The following SPOCK3 variants were observed in gnomAD, a reference collection of about 807,000 sequenced individuals.
The protein encoded by SPOCK3 is testican-3.
A neutral mutation model predicts 56.6 loss-of-function variants in SPOCK3; 30 were observed. That is an observed-to-expected ratio of 0.53 (90% CI 0.40 to 0.72). The LOEUF (loss-of-function observed/expected upper bound fraction) is 0.72, where lower values mean the gene tolerates loss of function less well. Among genes scored for constraint, SPOCK3 ranks in the 30% least tolerant of loss-of-function variants. SPOCK3 has a pLI of 0.00. For missense variants in SPOCK3, 527 were observed against 530.0 expected, an observed-to-expected ratio of 0.99 and a Z score of 0.06; for synonymous variants, 196 against 183.3, an observed-to-expected ratio of 1.07 and a Z score of -0.56.
In SPOCK3 at chr4:167,062,543, G is replaced by A. The variant is rs757933603; in HGVS notation, c.190-6C>T. The A allele has an allele frequency of 3.7e-6, 6 of 1,601,586 alleles. No individual in the cohort carries two copies. Among genetic ancestry groups the A allele is most frequent in the Non-Finnish European group, 2.6e-6 (3 of 1,170,888 alleles). On this transcript the variant is annotated splice_region_variant and splice_polypyrimidine_tract_variant and intron_variant, in intron 2 of 10. Transcript: ENST00000357545. ...CAAGTGCGGAAATAATCATCCTAAG[G>A]GGGAAAATAATGTGAATTGAGTGTA...
intron 4 of SPOCK3, among the ~76,000 whole-genome samples, chr4:166,946,545 T>C (rs770523021): frequency 6.6e-6 from 1 of 152,174 alleles, no homozygotes; most frequent in Non-Finnish European, 1.5e-5. Context: ...GCCAATCGAT[T>C]AGCTTCTTCA....
chr4:167,038,073 A>G (rs754249585), intron 3 of SPOCK3, among the ~76,000 whole-genome samples: 1 of 152,192 alleles, frequency 6.6e-6, no homozygotes, highest in Non-Finnish European at 1.5e-5. Context: ...TCAACGGCAC[A>G]TGCTATGAGA....
chr4:167,056,957 G>C (rs1474272869), intron 3 of SPOCK3, among the ~76,000 whole-genome samples: 1 of 152,124 alleles, frequency 6.6e-6, no homozygotes, highest in African/African-American at 2.4e-5. Flanking sequence ...TACTCCTCGA[G>C]AAGAGCAACT....
chr4:166,890,308 A>G (rs1734638283), intron 5 of SPOCK3, among the ~76,000 whole-genome samples: 1 of 151,844 alleles, frequency 6.6e-6, no homozygotes, highest in Non-Finnish European at 1.5e-5. Context: ...CCTAAAAGTA[A>G]CATTTAGGGC....
chr4:167,044,440 C>CTAAT (rs57013528), intron 3 of SPOCK3, among the ~76,000 whole-genome samples: 151,708 of 151,822 alleles, frequency 1, 75,797 homozygotes, highest in Middle Eastern at 1. Flanking sequence ...GATTTTTACT[C>CTAAT]TATTATTTTT....
intron 4 of SPOCK3, among the ~76,000 whole-genome samples, chr4:166,974,619 C>G (rs975242515): frequency 6.6e-6 from 1 of 152,060 alleles, no homozygotes; most frequent in Non-Finnish European, 1.5e-5. Context: ...TCTCTAATTT[C>G]TCTCCTACCA....
intron 6 of SPOCK3, among the ~76,000 whole-genome samples, chr4:166,853,992 A>G (rs1560935074): frequency 6.6e-6 from 1 of 152,334 alleles, no homozygotes; most frequent in East Asian, 1.9e-4. Context: ...TCAGCCTTTT[A>G]AAACAATGTT....
At chr4:166,883,864 A>T (rs190132461) in intron 6 of SPOCK3, among the ~76,000 whole-genome samples, 4 of 152,234 alleles carry the variant, frequency 2.6e-5, no homozygotes, top group South Asian at 2.1e-4. Context: ...TCACAAAATT[A>T]TAACCGCTAA....
At chr4:166,974,234 T>C (rs1475963944) in intron 4 of SPOCK3, among the ~76,000 whole-genome samples, 1 of 152,136 alleles carries the variant, frequency 6.6e-6, no homozygotes, top group African/African-American at 2.4e-5. Context: ...CAAAATCCTC[T>C]GACAGTAATA....
At chr4:166,901,815 G>A (rs2127058294) in intron 5 of SPOCK3, among the ~76,000 whole-genome samples, 1 of 152,262 alleles carries the variant, frequency 6.6e-6, no homozygotes, top group South Asian at 2.1e-4. Flanking sequence ...ACACTGCTGA[G>A]ATAAATTTTG....
chr4:167,205,394 A>G (rs989388973), intron 2 of SPOCK3, among the ~76,000 whole-genome samples: 1 of 45,470 alleles, frequency 2.2e-5, no homozygotes, highest in Non-Finnish European at 3.6e-5. Flanking sequence ...TATATATTTT[A>G]TATATAATAT....
At chr4:166,834,969 G>T (rs1036736095) in intron 6 of SPOCK3, among the ~76,000 whole-genome samples, 2 of 151,820 alleles carry the variant, frequency 1.3e-5, no homozygotes, top group African/African-American at 4.8e-5. Flanking sequence ...AAATTTGGAT[G>T]GTTTTTACTC....
At chr4:167,030,181 C>G (rs1752135955) in intron 3 of SPOCK3, among the ~76,000 whole-genome samples, 1 of 151,212 alleles carries the variant, frequency 6.6e-6, no homozygotes, top group Middle Eastern at 3.2e-3. Context: ...AAAAAGAGAG[C>G]CTGAGAGAGA....
At chr4:167,000,523 C>T in intron 3 of SPOCK3, 60 bp from the exon 4 acceptor site, 1 of 773,738 alleles carries the variant, frequency 1.3e-6, no homozygotes, top group Non-Finnish European at 2.2e-6. Flanking sequence ...GTATCAAATC[C>T]CATCAAACAC....
rs536843961 is a variant in SPOCK3, at chr4:166,746,625, A to G, written c.932-4566T>C. ...CAAAAGCTAGCAGAAGGCAAGAAAT[A>G]ACTAAGATCAGAGAAGAACTGAAGG... On this transcript the variant is annotated intron_variant, in intron 8 of 10. Coordinates refer to ENST00000357545, the MANE Select transcript of SPOCK3 (RefSeq NM_001040159.2). Among the ~76,000 whole-genome samples, 70 of 152,316 alleles carry G rather than the reference A, an allele frequency of 4.6e-4. 2 individuals carry two copies. The South Asian group carries it at 8.1e-3, about 18-fold the overall frequency.
In SPOCK3 at chr4:166,782,664, G is replaced by C. The variant is rs116900458; in HGVS notation, c.709+9506C>G. Among the ~76,000 whole-genome samples the C allele has an allele frequency of 4.7e-4, 71 of 151,974 alleles. No homozygotes were observed. In the East Asian group the frequency reaches 0.011, roughly 24 times the overall value. ...AACAGAAAGAAATATGAAAAAATAGGTAGCATTTAAAAAGAAAATGCAAGC... is the reference window on the plus strand; with the variant it reads ...AACAGAAAGAAATATGAAAAAATAGCTAGCATTTAAAAAGAAAATGCAAGC... On this transcript the variant is annotated intron_variant, in intron 7 of 10. Transcript: ENST00000357545.
chr4:167,056,514 A>C (rs1161326924), intron 3 of SPOCK3, among the ~76,000 whole-genome samples: 1 of 152,204 alleles, frequency 6.6e-6, no homozygotes, highest in African/African-American at 2.4e-5. Context: ...TTCAAACCAA[A>C]GGCAAAGAAG....
intron 7 of SPOCK3, among the ~76,000 whole-genome samples, chr4:166,785,124 T>C (rs75136312): frequency 0.017 from 2,548 of 152,220 alleles, 24 homozygotes; most frequent in Non-Finnish European, 0.027. Flanking sequence ...GATAATAGGA[T>C]GAGAGGCTAA....
chr4:167,193,084 C>G lies in SPOCK3; in HGVS notation c.189+40901G>C, dbSNP rs1732612779. 1.4e-5 allele frequency among the ~76,000 whole-genome samples: 2 copies of G among 145,852 alleles called. 1 individual carries two copies. Among genetic ancestry groups the G allele is most frequent in the South Asian group, 4.3e-4 (2 of 4,702 alleles). On this transcript the variant is annotated intron_variant, in intron 2 of 10. Transcript: ENST00000357545. Reference sequence around the variant, plus strand: ...GTATTCTGCTGCTGCTGGGTGAAGTCTTCGTTATGTGTCTGTTGGGTCCAT... The same window carrying G: ...GTATTCTGCTGCTGCTGGGTGAAGTGTTCGTTATGTGTCTGTTGGGTCCAT...
Sources: allele counts gnomAD v4.1 joint callset (sites outside exome capture counted in the v4.1 genomes callset), GRCh38; gene constraint gnomAD v4.1.1; transcripts MANE v1.5; gene names NCBI Gene and HGNC (gene_info 2026-07-23, HGNC 2026-07-21).